Variants in ST8SIA1 observed in about 807,000 individuals in gnomAD.
The protein encoded by ST8SIA1 is ST8 alpha-N-acetyl-neuraminide alpha-2,8-sialyltransferase 1.
ST8SIA1 carries 16 observed loss-of-function variants against 35.9 expected under a neutral mutation model. That is an observed-to-expected ratio of 0.45 (90% CI 0.30 to 0.68). ST8SIA1 has a LOEUF of 0.68. Ranked by LOEUF, ST8SIA1 falls within the 30% of genes least tolerant of loss-of-function variation. ST8SIA1 has a pLI of 0.09. For synonymous variants in ST8SIA1, 170 were observed against 169.6 expected (o/e 1.00, Z -0.02); for missense variants, 383 against 453.6 (o/e 0.84, Z 1.41).
chr12:22,207,116 T>C lies in ST8SIA1; in HGVS notation c.585-5078A>G, dbSNP rs192615410. On this transcript the variant is annotated intron_variant, in intron 4 of 4. Coordinates refer to ENST00000396037, the MANE Select transcript of ST8SIA1 (RefSeq NM_003034.4). ...GTCTCAACAGAAACAGTGTCCCAGA[T>C]AGGCCAATGTGCAGCAGGGATGGAA... is the stretch of plus-strand genomic sequence containing the variant. Among the ~76,000 whole-genome samples, 325 of 152,252 alleles carry C rather than the reference T, an allele frequency of 2.1e-3. 1 individual carries two copies. The highest frequency in any genetic ancestry group is 3.8e-3 in the Non-Finnish European group (256 of 68,016).
intron 1 of ST8SIA1, chr12:22,326,335 A>C (rs1266284314): frequency 6.5e-6 from 1 of 154,724 alleles, no homozygotes; most frequent in African/African-American, 2.4e-5. Context: ...CACCCTCAGC[A>C]CTAACTCTGT....
intron 3 of ST8SIA1, among the ~76,000 whole-genome samples, chr12:22,255,056 C>T (rs574295016): frequency 3.9e-4 from 59 of 152,296 alleles, no homozygotes; most frequent in African/African-American, 1.4e-3. Flanking sequence ...GTGGGTATCT[C>T]TGTTCCGCCT....
intron 1 of ST8SIA1, among the ~76,000 whole-genome samples, chr12:22,292,782 C>T (rs1400848336): frequency 1.3e-5 from 2 of 152,124 alleles, no homozygotes; most frequent in Non-Finnish European, 2.9e-5. Context: ...AACTGAAAAA[C>T]GACCTATTGG....
intron 4 of ST8SIA1, among the ~76,000 whole-genome samples, chr12:22,210,685 C>T (rs1157251990): frequency 1.3e-5 from 2 of 152,198 alleles, no homozygotes; most frequent in Non-Finnish European, 2.9e-5. Flanking sequence ...GCTACAGTAA[C>T]TCACAAATCT....
chr12:22,278,915 C>T (rs187280369), intron 2 of ST8SIA1, among the ~76,000 whole-genome samples: 1 of 152,182 alleles, frequency 6.6e-6, no homozygotes, highest in African/African-American at 2.4e-5. Context: ...AATTTTCTCA[C>T]CACACTTATC....
chr12:22,256,268 T>C (rs1209436750), intron 2 of ST8SIA1, among the ~76,000 whole-genome samples: 2 of 152,286 alleles, frequency 1.3e-5, no homozygotes, highest in East Asian at 3.9e-4. Flanking sequence ...CTGCCAACAC[T>C]GAACTGGACT....
chr12:22,271,432 G>A (rs1865910481), intron 2 of ST8SIA1, among the ~76,000 whole-genome samples: 1 of 152,060 alleles, frequency 6.6e-6, no homozygotes, highest in Non-Finnish European at 1.5e-5. Flanking sequence ...TAAGTGCCCA[G>A]GTCATGGAGA....
chr12:22,274,399 T>C (rs1865945591), intron 2 of ST8SIA1, among the ~76,000 whole-genome samples: 1 of 152,150 alleles, frequency 6.6e-6, no homozygotes, highest in Non-Finnish European at 1.5e-5. Flanking sequence ...CCATTGTCAT[T>C]TGAAATGAGA....
At chr12:22,222,664 T>C (rs1226165642) in intron 4 of ST8SIA1, among the ~76,000 whole-genome samples, 2 of 151,930 alleles carry the variant, frequency 1.3e-5, no homozygotes, top group African/African-American at 4.8e-5. Context: ...ATATACACTG[T>C]ATCTCTAGGT....
intron 4 of ST8SIA1, among the ~76,000 whole-genome samples, chr12:22,222,417 T>C (rs74960662): frequency 0.017 from 2,618 of 152,148 alleles, 87 homozygotes; most frequent in African/African-American, 0.06. Flanking sequence ...CATTAGAAAA[T>C]CTCTAATTTT....
intron 4 of ST8SIA1, among the ~76,000 whole-genome samples, chr12:22,210,184 G>A (rs151244035): frequency 1.6e-4 from 25 of 152,104 alleles, no homozygotes; most frequent in African/African-American, 4.3e-4. Context: ...GCAGAATTAC[G>A]ACTGCAGTTT....
chr12:22,333,736 C>T, intron 1 of ST8SIA1: 3 of 653,908 alleles, frequency 4.6e-6, no homozygotes, highest in South Asian at 3.4e-5. Flanking sequence ...TTAAATAAAA[C>T]TCCGCTTTGG....
At chr12:22,321,695 G>A (rs1011434334) in intron 1 of ST8SIA1, among the ~76,000 whole-genome samples, 22 of 152,228 alleles carry the variant, frequency 1.4e-4, no homozygotes, top group African/African-American at 5.1e-4. Flanking sequence ...ACTGGGGTGC[G>A]GGGTGGAGGT....
chr12:22,320,610 C>T (rs1225728613), intron 1 of ST8SIA1, among the ~76,000 whole-genome samples: 2 of 151,988 alleles, frequency 1.3e-5, no homozygotes, highest in Non-Finnish European at 2.9e-5. Flanking sequence ...TTTGTGAGGC[C>T]GAGGCGGGAG....
chr12:22,249,212 TG>T (rs1246439481), intron 3 of ST8SIA1, 114 bp from the exon 4 acceptor site: 208 of 705,274 alleles, frequency 2.9e-4, no homozygotes, highest in African/African-American at 1.6e-3. Context: ...GTAACTGTTT[TG>T]TTTTTTGTTT....
At chr12:22,328,425 G>C (rs1483408117) in intron 1 of ST8SIA1, among the ~76,000 whole-genome samples, 1 of 152,162 alleles carries the variant, frequency 6.6e-6, no homozygotes, top group Non-Finnish European at 1.5e-5. Context: ...AGCAGGGAAG[G>C]CAGGCAAGTG....
At chr12:22,267,719 A>G (rs1385090471) in intron 2 of ST8SIA1, among the ~76,000 whole-genome samples, 1 of 152,160 alleles carries the variant, frequency 6.6e-6, no homozygotes, top group Non-Finnish European at 1.5e-5. Context: ...AGACACATGG[A>G]ATTCATATTA....
rs1372147174 is a variant in ST8SIA1, at chr12:22,256,117, T to G, written c.382-728A>C. Reference sequence around the variant, plus strand: ...ATTCCTCCAGGCACAGAAAGCAGCGTAAACAACGACACAGAAGTATTTGCT... The same window carrying G: ...ATTCCTCCAGGCACAGAAAGCAGCGGAAACAACGACACAGAAGTATTTGCT... On this transcript the variant is annotated intron_variant, in intron 2 of 4. Coordinates refer to ENST00000396037, the MANE Select transcript of ST8SIA1 (RefSeq NM_003034.4). Among the ~76,000 whole-genome samples, 5 of 152,302 alleles carry G rather than the reference T, an allele frequency of 3.3e-5. No individual in the cohort carries two copies. The East Asian group carries it at 9.7e-4, about 29-fold the overall frequency.
chr12:22,298,385 T>C (rs1866273295), intron 1 of ST8SIA1, among the ~76,000 whole-genome samples: 2 of 152,178 alleles, frequency 1.3e-5, no homozygotes, highest in South Asian at 2.1e-4. Flanking sequence ...TCCTGTGGGA[T>C]ATGACTCTAT....
Sources: gnomAD v4.1 joint callset for allele counts (sites outside exome capture counted in the v4.1 genomes callset) on GRCh38, gnomAD v4.1.1 for gene constraint, MANE v1.5 for transcripts, NCBI Gene and HGNC (gene_info 2026-07-23, HGNC 2026-07-21) for gene names.